The following OBSL1 variants were observed in gnomAD, a reference collection of about 807,000 sequenced individuals.
OBSL1 encodes the protein obscurin-like protein 1.
OBSL1 carries 160 observed loss-of-function variants against 172.0 expected under a neutral mutation model. The observed-to-expected ratio is 0.93, with a 90% CI of 0.82 to 1.06. OBSL1 has a LOEUF of 1.06. Ranked by LOEUF, OBSL1 falls within the 50% of genes least tolerant of loss-of-function variation. The pLI, the probability that OBSL1 is intolerant of heterozygous loss-of-function variation, is 0.00. For missense variants in OBSL1, 2,681 were observed against 2,715.4 expected (o/e 0.99, Z 0.28); for synonymous variants, 1,200 against 1,196.3 (o/e 1.00, Z -0.06).
In OBSL1 at chr2:219,553,655, G is replaced by C. The variant is rs754529663; in HGVS notation, c.4908C>G (p.His1636Gln). Residue 1636 changes from histidine (H) to glutamine (Q), a missense_variant, in exon 16 of 21, where the codon CAC (histidine) becomes CAG (glutamine). By Grantham distance (24) the His-to-Gln change is conservative (BLOSUM62 0). This residue lies in a region of OBSL1 where 1,765 missense variants were observed against 1,748.3 expected (regional missense o/e 1.01). Coordinates refer to ENST00000404537, the MANE Select transcript of OBSL1 (RefSeq NM_015311.3). The stretch of plus-strand genomic sequence containing the variant: ...TGTCGCCCTCGGTCACCTCTAGGTC[G>C]TGTGGCCCCCGCACGATGGTCACTG... ...EVPVTIVRGP[H>Q]DLEVTEGDTA... is the part of the protein sequence containing the mutation. The C allele has an allele frequency of 2.5e-6, 4 of 1,613,764 alleles. No individual in the cohort carries two copies. Among genetic ancestry groups the C allele is most frequent in the Admixed American group, 3.3e-5 (2 of 60,012 alleles).
chr2:219,571,309 C>A lies in OBSL1; in HGVS notation c.-77G>T, dbSNP rs1697338670. 3 of 699,824 alleles carry A rather than the reference C, an allele frequency of 4.3e-6. No individual in the cohort carries two copies. The highest frequency in any genetic ancestry group is 1.2e-4 in the South Asian group (2 of 16,058). The allele number at this position is 699,824 out of a possible 1,614,324, so 43.4% of individuals were successfully genotyped here. On this transcript the variant is annotated 5_prime_UTR_variant, in exon 1 of 21. Coordinates refer to ENST00000404537, the MANE Select transcript of OBSL1 (RefSeq NM_015311.3). ...GCGGAGGGCGAGCCGAGGCCCGGGG[C>A]GGCGGGGTCGGGGCGCGGCTGGGGA...
At position 219,551,805 on chromosome 2, in the gene OBSL1, G is replaced by A; in HGVS notation, c.5414-7C>T. On this transcript the variant is annotated splice_polypyrimidine_tract_variant and splice_region_variant and intron_variant, in intron 19 of 20. Transcript: ENST00000404537. ...CACATCTGGAGAGGCAATGCTGGGG[G>A]TAGGGGGCGGGGGCTTAAGTTAATA... 4 of 1,542,590 alleles carry A rather than the reference G, an allele frequency of 2.6e-6. No individual in the cohort carries two copies. Among genetic ancestry groups the A allele is most frequent in the South Asian group, 2.4e-5 (2 of 84,924 alleles).
In OBSL1 at chr2:219,555,405, C is replaced by T. The variant is rs373967760; in HGVS notation, c.4609+615G>A. The T allele has an allele frequency of 4.9e-4, 76 of 155,002 alleles. 1 individual carries two copies. Among genetic ancestry groups the T allele is most frequent in the Middle Eastern group, 6.8e-3 (2 of 294 alleles). 9.6% of individuals were successfully genotyped at this position (155,002 alleles called of 1,614,324 possible). ...CTCAACCTCCTGGGTTCAAGCAATC[C>T]TTCTGCCTCAGCCTCCCTAGTAACT... On this transcript the variant is annotated intron_variant, in intron 14 of 20. Transcript: ENST00000404537.
At chr2:219,558,511 C>T in intron 9 of OBSL1, 52 bp from the exon 10 acceptor site, 1 of 1,489,580 alleles carries the variant, frequency 6.7e-7, no homozygotes. Context: ...CAGGCCTCTC[C>T]TGCCTCACCC....
At chr2:219,553,967 A>G (rs1184057794) in intron 15 of OBSL1, among the ~76,000 whole-genome samples, 2 of 151,404 alleles carry the variant, frequency 1.3e-5, no homozygotes, top group Admixed American at 1.3e-4. Flanking sequence ...CAATGGGGAA[A>G]CAAGCAGAGA....
chr2:219,564,163 C>T (rs193084996), intron 6 of OBSL1, among the ~76,000 whole-genome samples: 1 of 152,348 alleles, frequency 6.6e-6, no homozygotes, highest in East Asian at 1.9e-4. Context: ...TCCCAAGCTG[C>T]TCTCTCAGAG....
At chr2:219,567,646 C>T (rs1304162139) in intron 3 of OBSL1, 71 bp from the exon 4 acceptor site, 1 of 1,588,770 alleles carries the variant, frequency 6.3e-7, no homozygotes, top group African/African-American at 1.3e-5. Flanking sequence ...AAATCTACTT[C>T]ACCAACCCAG....
downstream of OBSL1, among the ~76,000 whole-genome samples, chr2:219,548,593 T>C (rs976993063): frequency 2.0e-5 from 3 of 152,192 alleles, no homozygotes; most frequent in Admixed American, 6.5e-5. Flanking sequence ...TGAGAAGGAA[T>C]GAGCTCAGCT....
At chr2:219,562,843 T>C (rs1696589912) in intron 7 of OBSL1, 169 bp from the exon 8 acceptor site, 1 of 705,250 alleles carries the variant, frequency 1.4e-6, no homozygotes, top group Non-Finnish European at 2.3e-6. Context: ...GACACACGAA[T>C]ACAGCTGTCA....
At position 219,561,939 on chromosome 2, in the gene OBSL1, G is replaced by A. The variant is rs1350297994; in HGVS notation, c.2953+463C>T. ...GGGGAAGCGGGACCAGAGCCGCCGGGTCTTCGGCTTTTTCAAGAGGACGCA... is the reference window on the plus strand; with the variant it reads ...GGGGAAGCGGGACCAGAGCCGCCGGATCTTCGGCTTTTTCAAGAGGACGCA... On this transcript the variant is annotated intron_variant, in intron 8 of 20. Coordinates refer to ENST00000404537, the MANE Select transcript of OBSL1 (RefSeq NM_015311.3). 6 of 717,426 alleles carry A rather than the reference G, an allele frequency of 8.4e-6. No homozygotes were observed. The African/African-American group carries it at 1.0e-4, about 13-fold the overall frequency. The allele number at this position is 717,426 out of a possible 1,614,324, so 44.4% of individuals were successfully genotyped here.
At chr2:219,547,342 G>A (rs1695409634), downstream of OBSL1, 1 of 523,256 alleles carries the variant, frequency 1.9e-6, no homozygotes, top group South Asian at 6.2e-5. Context: ...GACCTCAATG[G>A]CCCCATCACT....
chr2:219,551,596 A>G lies in OBSL1; in HGVS notation c.5616T>C (p.Pro1872=). The G allele has an allele frequency of 6.2e-7, 1 of 1,609,944 alleles. No individual in the cohort carries two copies. The highest frequency in any genetic ancestry group is 8.5e-7 in the Non-Finnish European group (1 of 1,178,274). The stretch of plus-strand genomic sequence containing the variant: ...GGCAGCAGTAAGTGCCTTGGTCCTC[A>G]GGTCGAACGTCATGGATGACCAGGC... The part of the protein sequence containing the change: ...THSLVIHDVR[P]EDQGTYCCQA... The change falls in exon 20 of 21, where the codon CCT becomes CCC. Residue 1872 remains proline, a synonymous_variant. Transcript: ENST00000404537.
Position 219,571,247 on chromosome 2 carries a change from G to A in OBSL1, c.-15C>T, listed in dbSNP as rs1697330041. The A allele has an allele frequency of 8.7e-6, 11 of 1,257,974 alleles. No individual in the cohort carries two copies. Among genetic ancestry groups the A allele is most frequent in the African/African-American group, 1.5e-5 (1 of 64,910 alleles). 77.9% of individuals were successfully genotyped at this position (1,257,974 alleles called of 1,614,324 possible). ...CTCGCCTTCATCGCGGCGGCCGACCGCCTGCAGCGGCGAACGGTGGGGGGG... is the reference window on the plus strand; with the variant it reads ...CTCGCCTTCATCGCGGCGGCCGACCACCTGCAGCGGCGAACGGTGGGGGGG... On this transcript the variant is annotated 5_prime_UTR_variant, in exon 1 of 21. Coordinates refer to ENST00000404537, the MANE Select transcript of OBSL1 (RefSeq NM_015311.3).
chr2:219,561,402 G>A (rs147553473), intron 8 of OBSL1, among the ~76,000 whole-genome samples: 3 of 152,092 alleles, frequency 2.0e-5, no homozygotes, highest in Non-Finnish European at 2.9e-5. Context: ...TGCTTCTCCC[G>A]CTTTGAATAT....
At position 219,571,218 on chromosome 2, in the gene OBSL1, C is replaced by G. The variant is rs1473550885; in HGVS notation, c.15G>C (p.Ser5=). 7.3e-7 allele frequency: 1 copy of G among 1,369,774 alleles called. No homozygotes were observed. The highest frequency in any genetic ancestry group is 3.0e-5 in the East Asian group (1 of 33,284). The allele number at this position is 1,369,774 out of a possible 1,614,324, so 84.9% of individuals were successfully genotyped here. MKAS[S]GDQGSPPCFL... Reference sequence around the variant, plus strand: ...AGCACGGGGGGCTCCCCTGATCCCCCGAGCTCGCCTTCATCGCGGCGGCCG... The same window carrying G: ...AGCACGGGGGGCTCCCCTGATCCCCGGAGCTCGCCTTCATCGCGGCGGCCG... The change falls in exon 1 of 21, where the codon TCG becomes TCC. Residue 5 remains serine (S), a synonymous_variant. Transcript: ENST00000404537.
rs542752636 is a variant in OBSL1, at chr2:219,554,496, G to A, written c.4854C>T (p.Cys1618=). The change falls in exon 15 of 21, where the codon TGC becomes TGT. Residue 1618 remains cysteine (C), a synonymous_variant. Transcript: ENST00000404537. ...CACCTCTCACAATGAGTCTGGCTGCGCAGCGCAGGGAATCCGCTGTGAAGG... is the reference window on the plus strand; with the variant it reads ...CACCTCTCACAATGAGTCTGGCTGCACAGCGCAGGGAATCCGCTGTGAAGG... ...CVSFTADSLR[C]AARLIVREVP... 6.8e-6 allele frequency: 11 copies of A among 1,613,242 alleles called. No individual in the cohort carries two copies. The highest frequency in any genetic ancestry group is 4.4e-5 in the South Asian group (4 of 91,076).
Position 219,551,766 on chromosome 2 carries a change from G to A in OBSL1, c.5446C>T (p.Arg1816Cys), listed in dbSNP as rs760986158. Residue 1816 changes from arginine to cysteine, a missense_variant, in exon 20 of 21, where the codon CGC (arginine) becomes TGC (cysteine). Around this residue, in one of 5 missense-constraint regions of OBSL1, gnomAD observed 1,765 missense variants for 1,748.3 expected, o/e 1.01. Coordinates refer to ENST00000404537, the MANE Select transcript of OBSL1 (RefSeq NM_015311.3). ...CGGCCCACCAGAACGGTCTTCTCGCGAGGGGGGTGGCGGCACATCTGGAGA... is the reference window on the plus strand; with the variant it reads ...CGGCCCACCAGAACGGTCTTCTCGCAAGGGGGGTGGCGGCACATCTGGAGA... ...LPLQMCRHPP[R>C]EKTVLVGRRA... The A allele has an allele frequency of 3.7e-5, 59 of 1,593,450 alleles. No homozygotes were observed. Among genetic ancestry groups the A allele is most frequent in the Admixed American group, 2.3e-4 (14 of 59,584 alleles).
intron 20 of OBSL1, 35 bp from the exon 21 acceptor site, chr2:219,550,877 AG>A (rs3832112): frequency 6.2e-7 from 1 of 1,604,940 alleles, no homozygotes; most frequent in South Asian, 1.1e-5. Flanking sequence ...GGCTGGGGAG[AG>A]AAGGGGGTAC....
At position 219,566,822 on chromosome 2, in the gene OBSL1, G is replaced by T. The variant is rs1017928419; in HGVS notation, c.2134+8C>A. Reference sequence around the variant, plus strand: ...TTTCTGCCCACTCAGGTCCCCACTGGCACCAACCTTGGATTGTGAGGGCAG... The same window carrying T: ...TTTCTGCCCACTCAGGTCCCCACTGTCACCAACCTTGGATTGTGAGGGCAG... On this transcript the variant is annotated splice_region_variant and intron_variant, in intron 5 of 20. Coordinates refer to ENST00000404537, the MANE Select transcript of OBSL1 (RefSeq NM_015311.3). The T allele has an allele frequency of 1.3e-6, 2 of 1,564,404 alleles. No homozygotes were observed. Among genetic ancestry groups the T allele is most frequent in the East Asian group, 2.3e-5 (1 of 44,082 alleles).
Sources: gnomAD v4.1 joint callset for allele counts (sites outside exome capture counted in the v4.1 genomes callset) on GRCh38, gnomAD v4.1.1 for gene constraint, gnomAD v4.1.1 regional missense constraint, MANE v1.5 for transcripts, NCBI Gene and HGNC (gene_info 2026-07-23, HGNC 2026-07-21) for gene names.